PIK3CB: variants seen among roughly 807,000 people sequenced by gnomAD.
PIK3CB encodes phosphatidylinositol 4,5-bisphosphate 3-kinase catalytic subunit beta isoform.
In PIK3CB, 39 loss-of-function variants were observed where a neutral mutation model predicts 136.8. The observed-to-expected ratio is 0.29, with a 90% CI of 0.22 to 0.37. The LOEUF is 0.37. PIK3CB is among the 10% of genes least tolerant of loss of function. The pLI is 1.00. For synonymous variants in PIK3CB, 428 were observed against 436.6 expected, an observed-to-expected ratio of 0.98 and a Z score of 0.25; for missense variants, 868 against 1,275.4, an observed-to-expected ratio of 0.68 and a Z score of 4.87.
At chr3:138,664,663 T>C (rs2043368499) in intron 20 of PIK3CB, among the ~76,000 whole-genome samples, 1 of 152,198 alleles carries the variant, frequency 6.6e-6, no homozygotes, top group Non-Finnish European at 1.5e-5. Context: ...ATTCCAAACA[T>C]TGCATTTTTT....
chr3:138,776,657 C>T (rs1057323444), intron 2 of PIK3CB, among the ~76,000 whole-genome samples: 2 of 151,996 alleles, frequency 1.3e-5, no homozygotes, highest in African/African-American at 2.4e-5. Context: ...GATTGTGGTA[C>T]TGCATTCCAG....
Position 138,694,772 on chromosome 3 carries a change from C to T in PIK3CB, c.1892+14G>A, listed in dbSNP as rs1223801741. The T allele has an allele frequency of 1.2e-6, 2 of 1,610,116 alleles. No individual in the cohort carries two copies. The highest frequency in any genetic ancestry group is 4.5e-5 in the East Asian group (2 of 44,762). ...TTATTCCTTGCCCCAAAGAAAACCA[C>T]CTGCAGAAGATACCTCATCTGTCGC... On this transcript the variant is annotated intron_variant, in intron 14 of 23. Transcript: ENST00000674063.
chr3:138,725,809 C>A (rs1031964114), intron 8 of PIK3CB, among the ~76,000 whole-genome samples: 10 of 152,100 alleles, frequency 6.6e-5, no homozygotes, highest in Non-Finnish European at 1.2e-4. Flanking sequence ...GAGATAATTC[C>A]AACATCTGTG....
intron 8 of PIK3CB, among the ~76,000 whole-genome samples, chr3:138,719,645 A>G (rs2044686379): frequency 2.6e-5 from 4 of 152,170 alleles, no homozygotes. Context: ...TCTCTAAATA[A>G]AAGTTTAGTT....
rs2108645177 is a variant in PIK3CB, at chr3:138,734,750, A to G, written c.856T>C (p.Cys286Arg). ...TCATACATTTTCTTGATCTTGCAGC[A>G]TTCCACAAGTATAAAATGGGGCAGG... The part of the protein sequence containing the change: ...RALPHFILVE[C>R]CKIKKMYEQE... The change falls in exon 7 of 24, where the codon TGC (cysteine) becomes CGC (arginine). Residue 286 changes from cysteine to arginine, a missense_variant. By Grantham distance (180) the Cys-to-Arg change is radical (BLOSUM62 -3). Transcript: ENST00000674063. The G allele has an allele frequency of 6.2e-7, 1 of 1,613,628 alleles. No individual in the cohort carries two copies. The highest frequency in any genetic ancestry group is 1.1e-5 in the South Asian group (1 of 91,034).
intron 1 of PIK3CB, among the ~76,000 whole-genome samples, chr3:138,812,859 G>A (rs1933133687): frequency 6.6e-6 from 1 of 152,226 alleles, no homozygotes; most frequent in Middle Eastern, 3.4e-3. Flanking sequence ...TGGAACTATT[G>A]TGACTTTACG....
At chr3:138,670,487 C>T (rs1488680093) in intron 19 of PIK3CB, among the ~76,000 whole-genome samples, 1 of 152,090 alleles carries the variant, frequency 6.6e-6, no homozygotes, top group Non-Finnish European at 1.5e-5. Flanking sequence ...TAAACTCTTC[C>T]CAGAATGAGC....
At chr3:138,747,315 C>T (rs566588226) in intron 4 of PIK3CB, among the ~76,000 whole-genome samples, 104 of 151,456 alleles carry the variant, frequency 6.9e-4, no homozygotes, top group African/African-American at 2.4e-3. Flanking sequence ...TTGCAGTATT[C>T]CAGTAAACAC....
At chr3:138,761,808 C>T (rs1296645037) in intron 2 of PIK3CB, among the ~76,000 whole-genome samples, 1 of 151,594 alleles carries the variant, frequency 6.6e-6, no homozygotes, top group East Asian at 1.9e-4. Flanking sequence ...GGGGTGGTGG[C>T]GTGTGTCTGT....
At chr3:138,810,149 C>T (rs1932949528) in intron 1 of PIK3CB, among the ~76,000 whole-genome samples, 1 of 152,026 alleles carries the variant, frequency 6.6e-6, no homozygotes, top group Non-Finnish European at 1.5e-5. Flanking sequence ...GATTATAAAC[C>T]AAAGTACAAA....
At chr3:138,705,002 G>A (rs1004348458) in intron 11 of PIK3CB, among the ~76,000 whole-genome samples, 4 of 150,460 alleles carry the variant, frequency 2.7e-5, no homozygotes, top group Non-Finnish European at 4.4e-5. Context: ...GCCCAAGCTC[G>A]CCTTGAACTC....
At chr3:138,813,070 C>G (rs1933147707) in intron 1 of PIK3CB, among the ~76,000 whole-genome samples, 1 of 151,988 alleles carries the variant, frequency 6.6e-6, no homozygotes, top group African/African-American at 2.4e-5. Flanking sequence ...ATGGATTCCT[C>G]TGTATTATTT....
At chr3:138,761,974 C>T (rs532792905) in intron 2 of PIK3CB, among the ~76,000 whole-genome samples, 4 of 149,290 alleles carry the variant, frequency 2.7e-5, no homozygotes, top group South Asian at 2.1e-4. Context: ...GGGCCAGGCA[C>T]GGTGGCTTAT....
intron 1 of PIK3CB, among the ~76,000 whole-genome samples, chr3:138,826,499 GTTTTT>G (rs34843148): frequency 2.1e-5 from 2 of 95,932 alleles, no homozygotes; most frequent in Non-Finnish European, 2.0e-5. Context: ...GACCATTTGG[GTTTTT>G]TTTTTTTTTT....
chr3:138,824,637 G>T (rs1933701412), intron 1 of PIK3CB, among the ~76,000 whole-genome samples: 1 of 151,736 alleles, frequency 6.6e-6, no homozygotes, highest in Non-Finnish European at 1.5e-5. Context: ...AGGTTGCAGT[G>T]AGCCAAGATC....
chr3:138,680,685 C>CT (rs869102841), intron 19 of PIK3CB, among the ~76,000 whole-genome samples: 31 of 143,808 alleles, frequency 2.2e-4, no homozygotes, highest in South Asian at 4.5e-4. Flanking sequence ...TCCAGTTGTT[C>CT]TTTTTTTTTT....
At chr3:138,775,812 A>G (rs2045851392) in intron 2 of PIK3CB, among the ~76,000 whole-genome samples, 1 of 152,236 alleles carries the variant, frequency 6.6e-6, no homozygotes, top group Non-Finnish European at 1.5e-5. Flanking sequence ...GCTTTTGGAT[A>G]CTGTCCTGTA....
chr3:138,688,871 A>G lies in PIK3CB; in HGVS notation c.2136+4T>C. 1 of 1,589,904 alleles carries G rather than the reference A, an allele frequency of 6.3e-7. No individual in the cohort carries two copies. The highest frequency in any genetic ancestry group is 1.1e-5 in the South Asian group (1 of 90,480). On this transcript the variant is annotated splice_donor_region_variant and intron_variant, in intron 16 of 23. Transcript: ENST00000674063. ...AAAAATGAATAAATAAAACAAGCTG[A>G]TACCTGCTTAGAAAGCACTTTCATG...
chr3:138,811,719 C>T (rs1482030326), intron 1 of PIK3CB, among the ~76,000 whole-genome samples: 1 of 151,910 alleles, frequency 6.6e-6, no homozygotes, highest in East Asian at 1.9e-4. Context: ...CCACTGCACC[C>T]GGCCCTGATA....
Sources: gnomAD v4.1 joint callset for allele counts (sites outside exome capture counted in the v4.1 genomes callset) on GRCh38, gnomAD v4.1.1 for gene constraint, MANE v1.5 for transcripts, NCBI Gene and HGNC (gene_info 2026-07-23, HGNC 2026-07-21) for gene names.